Variants in CREB3L2 observed in about 807,000 individuals in gnomAD.
CREB3L2 encodes the protein cAMP responsive element binding protein 3 like 2.
Under a neutral mutation model 57.2 loss-of-function variants are expected in CREB3L2, and 23 were observed. The ratio of observed to expected loss-of-function variants is 0.40; its 90% CI spans 0.29 to 0.57. The LOEUF (loss-of-function observed/expected upper bound fraction) is 0.57. Among genes scored for constraint, CREB3L2 ranks in the 20% least tolerant of loss-of-function variants. CREB3L2 has a pLI of 0.42. For synonymous variants in CREB3L2, 268 were observed against 265.1 expected, an observed-to-expected ratio of 1.01 and a Z score of -0.11; for missense variants, 628 against 634.7, an observed-to-expected ratio of 0.99 and a Z score of 0.11.
Position 138,001,980 on chromosome 7 carries a change from A to T in CREB3L2, c.-275T>A. On this transcript the variant is annotated 5_prime_UTR_variant, in exon 1 of 12. Transcript: ENST00000330387. This position sits in a 1 kb window ranked among gnomAD's most constrained non-coding sequence, Gnocchi z 4.2. ...TAAAGCGGGATGTGCATCCAAAATG[A>T]AGGCAGAAGACCCGCTCTCATCCCA... The T allele has an allele frequency of 2.4e-6, 1 of 408,546 alleles. No individual in the cohort carries two copies. The highest frequency in any genetic ancestry group is 4.4e-6 in the Non-Finnish European group (1 of 226,216). The allele number at this position is 408,546 out of a possible 1,614,324, so 25.3% of individuals were successfully genotyped here.
At chr7:137,947,163 AGCC>A (rs1801013084) in intron 1 of CREB3L2, among the ~76,000 whole-genome samples, 1 of 150,906 alleles carries the variant, frequency 6.6e-6, no homozygotes, top group Non-Finnish European at 1.5e-5. Context: ...GCTGTTTACA[AGCC>A]AGGAAGAGAG....
intron 8 of CREB3L2, among the ~76,000 whole-genome samples, chr7:137,899,742 A>AT (rs1199125940): frequency 2.0e-5 from 3 of 152,216 alleles, no homozygotes; most frequent in Non-Finnish European, 4.4e-5. Flanking sequence ...CCTGACTGCT[A>AT]TCTGAGCACA....
chr7:137,889,657 C>T (rs1443503290), intron 8 of CREB3L2, among the ~76,000 whole-genome samples: 1 of 152,176 alleles, frequency 6.6e-6, no homozygotes, highest in Non-Finnish European at 1.5e-5. Flanking sequence ...GTGGAAATGA[C>T]AACATGTGCA....
intron 1 of CREB3L2, among the ~76,000 whole-genome samples, chr7:137,932,861 C>T (rs1195504281): frequency 6.6e-6 from 1 of 152,188 alleles, no homozygotes; most frequent in Non-Finnish European, 1.5e-5. Context: ...CCAGAGTTTA[C>T]CACTTAGGTC....
At chr7:137,956,403 A>G (rs1801211589) in intron 1 of CREB3L2, among the ~76,000 whole-genome samples, 1 of 152,234 alleles carries the variant, frequency 6.6e-6, no homozygotes, top group Admixed American at 6.5e-5. Context: ...ATCGTTTCGC[A>G]GTGTTAGCAG....
chr7:137,932,243 T>C, intron 1 of CREB3L2, among the ~76,000 whole-genome samples: 1 of 152,222 alleles, frequency 6.6e-6, no homozygotes, highest in East Asian at 1.9e-4. Context: ...ATTTATCCAT[T>C]TCCTCTTGAG....
rs1404977623 is a variant in CREB3L2 at position 138,001,129 on chromosome 7, G to C, written c.102+475C>G. 1.9e-5 allele frequency among the ~76,000 whole-genome samples: 2 copies of C among 106,008 alleles called. No individual in the cohort carries two copies. The highest frequency in any genetic ancestry group is 6.2e-5 in the African/African-American group (2 of 32,406). The allele number at this position is 106,008 out of a possible 152,430, so 69.5% of individuals were successfully genotyped here. A position where few individuals can be genotyped will look rare whatever the true frequency, so the allele number is the denominator to read the frequency against. ...CACACACACACACACACACACACGT[G>C]TACTTTTTAAAATATAAATATGAAA... On this transcript the variant is annotated intron_variant, in intron 1 of 11. Coordinates refer to ENST00000330387, the MANE Select transcript of CREB3L2 (RefSeq NM_194071.4). This position sits in a 1 kb window ranked among gnomAD's most constrained non-coding sequence, Gnocchi z 4.2.
intron 1 of CREB3L2, among the ~76,000 whole-genome samples, chr7:137,985,852 G>C (rs776718521): frequency 6.6e-6 from 1 of 152,216 alleles, no homozygotes; most frequent in Non-Finnish European, 1.5e-5. Context: ...AGAGGATTCA[G>C]GTAAGAACTG....
chr7:137,917,894 G>C (rs1800170677), intron 2 of CREB3L2, among the ~76,000 whole-genome samples: 1 of 152,092 alleles, frequency 6.6e-6, no homozygotes, highest in Non-Finnish European at 1.5e-5. Flanking sequence ...CATCCTTCAT[G>C]GGGTGTGCGC....
rs1303397318 is a variant in CREB3L2 at position 138,001,945 on chromosome 7, C to T, written c.-240G>A. 2.3e-6 allele frequency: 1 copy of T among 441,664 alleles called. No homozygotes were observed. Among genetic ancestry groups the T allele is most frequent in the East Asian group, 3.6e-5 (1 of 28,076 alleles). The allele number at this position is 441,664 out of a possible 1,614,324, so 27.4% of individuals were successfully genotyped here. On this transcript the variant is annotated 5_prime_UTR_variant, in exon 1 of 12. Transcript: ENST00000330387. The surrounding 1 kb of genome is among the most constrained non-coding windows in gnomAD (Gnocchi z 4.2). Reference sequence around the variant, plus strand: ...CCAGGGACACGAGCCGGACCAAAGGCTGCCGGGGCTAAAGCGGGATGTGCA... The same window carrying T: ...CCAGGGACACGAGCCGGACCAAAGGTTGCCGGGGCTAAAGCGGGATGTGCA...
chr7:137,972,529 A>G (rs1801523744), intron 1 of CREB3L2, among the ~76,000 whole-genome samples: 1 of 150,366 alleles, frequency 6.7e-6, no homozygotes, highest in Non-Finnish European at 1.5e-5. Flanking sequence ...GTAATGAACA[A>G]TAAGAACAGT....
In CREB3L2 at chr7:137,879,130, GA is replaced by G. The variant is rs1799225424; in HGVS notation, c.*1345del. On this transcript the variant is annotated 3_prime_UTR_variant, in exon 12 of 12. Transcript: ENST00000330387. ...TCCACTTCTTATTTATATGAAAGAG[GA>G]AAGATTTTTTTAAACTACAAAAGTT... The G allele has an allele frequency of 6.0e-6, 3 of 501,616 alleles. No individual in the cohort carries two copies. The highest frequency in any genetic ancestry group is 3.4e-5 in the South Asian group (2 of 58,480). 31.1% of individuals were successfully genotyped at this position (501,616 alleles called of 1,614,324 possible).
At chr7:137,984,384 A>G (rs1383610865) in intron 1 of CREB3L2, among the ~76,000 whole-genome samples, 22 of 152,200 alleles carry the variant, frequency 1.4e-4, no homozygotes, top group Non-Finnish European at 4.4e-5. Context: ...GTCCTAATAT[A>G]GGTACTACCC....
At chr7:137,950,779 T>C (rs1343038587) in intron 1 of CREB3L2, among the ~76,000 whole-genome samples, 1 of 152,202 alleles carries the variant, frequency 6.6e-6, no homozygotes, top group Non-Finnish European at 1.5e-5. Context: ...TCTCATTTAA[T>C]TGCAATATTA....
At chr7:137,928,490 A>T in intron 1 of CREB3L2, 124 bp from the exon 2 acceptor site, 1 of 694,576 alleles carries the variant, frequency 1.4e-6, no homozygotes, top group Admixed American at 2.3e-5. Flanking sequence ...CACAATGTCC[A>T]GTTAGCTCGT....
At chr7:137,931,580 C>T (rs933568522) in intron 1 of CREB3L2, among the ~76,000 whole-genome samples, 18 of 151,160 alleles carry the variant, frequency 1.2e-4, no homozygotes, top group Non-Finnish European at 2.4e-4. Context: ...GTCTGTAATC[C>T]CAGAACTCTG....
chr7:137,973,196 A>G (rs552737400), intron 1 of CREB3L2, among the ~76,000 whole-genome samples: 2 of 151,796 alleles, frequency 1.3e-5, no homozygotes, highest in Admixed American at 1.3e-4. Context: ...AAAAAGAAAT[A>G]GCATATCATG....
At chr7:137,905,107 C>A (rs577192411) in intron 6 of CREB3L2, among the ~76,000 whole-genome samples, 2 of 151,820 alleles carry the variant, frequency 1.3e-5, no homozygotes, top group East Asian at 3.9e-4. Flanking sequence ...TAGGCCTGTG[C>A]CTCAGCCATC....
chr7:137,905,491 G>A (rs1208157041), intron 6 of CREB3L2, among the ~76,000 whole-genome samples: 2 of 151,834 alleles, frequency 1.3e-5, no homozygotes, highest in Non-Finnish European at 2.9e-5. Context: ...TGATCTGGGA[G>A]TCTGCTGGCC....
Sources: allele counts gnomAD v4.1 joint callset (sites outside exome capture counted in the v4.1 genomes callset), GRCh38; gene constraint gnomAD v4.1.1; non-coding constraint Gnocchi (gnomAD v3.1); transcripts MANE v1.5; gene names NCBI Gene and HGNC (gene_info 2026-07-23, HGNC 2026-07-21).